The following ABCB4 variants were observed in gnomAD, a reference collection of about 807,000 sequenced individuals.
ABCB4 encodes ATP binding cassette subfamily B member 4.
A neutral mutation model predicts 145.7 loss-of-function variants in ABCB4; 76 were observed. That is an observed-to-expected ratio of 0.52 (90% confidence interval 0.43 to 0.63). The LOEUF (loss-of-function observed/expected upper bound fraction) is 0.63, where lower values mean the gene tolerates loss of function less well. ABCB4 is among the 30% of genes least tolerant of loss of function. ABCB4 has a pLI of 0.00. For synonymous variants in ABCB4, 517 were observed against 566.8 expected, an observed-to-expected ratio of 0.91 and a Z score of 1.25; for missense variants, 1,234 against 1,553.1, an observed-to-expected ratio of 0.79 and a Z score of 3.45.
intron 23 of ABCB4, among the ~76,000 whole-genome samples, chr7:87,410,533 G>C (rs954849956): frequency 6.6e-6 from 1 of 152,154 alleles, no homozygotes; most frequent in African/African-American, 2.4e-5. Flanking sequence ...TTTTAAAAAA[G>C]AAAGGAAGCA....
intron 16 of ABCB4, among the ~76,000 whole-genome samples, 191 bp from the exon 17 acceptor site, chr7:87,424,243 G>A (rs1809655018): frequency 6.6e-6 from 1 of 152,194 alleles, no homozygotes; most frequent in South Asian, 2.1e-4. Context: ...CACATCATAA[G>A]CTGAGTATGG....
rs1170744360 is a variant in ABCB4, at chr7:87,437,375, T to C, written c.1731+2292A>G. On this transcript the variant is annotated intron_variant, in intron 14 of 27. Coordinates refer to ENST00000649586, the MANE Select transcript of ABCB4 (RefSeq NM_000443.4). ...GTGAGGCCACCATGGACCATTTTAA[T>C]GAAGCCAGCCCTCCAGGTAAATGCA... 2.6e-5 allele frequency among the ~76,000 whole-genome samples: 4 copies of C among 152,278 alleles called. No homozygotes were observed. In the South Asian group the frequency reaches 8.3e-4, roughly 32 times the overall value.
chr7:87,444,285 T>C (rs556554088), intron 10 of ABCB4, among the ~76,000 whole-genome samples: 43 of 152,332 alleles, frequency 2.8e-4, no homozygotes, highest in Non-Finnish European at 7.4e-5. Flanking sequence ...CTTGGATCAA[T>C]GAAAAAGGAA....
intron 14 of ABCB4, among the ~76,000 whole-genome samples, chr7:87,437,502 C>A (rs1385626738): frequency 4.6e-5 from 7 of 152,018 alleles, no homozygotes; most frequent in Admixed American, 4.6e-4. Context: ...AATAGGTAAC[C>A]AATTTAGCAA....
intron 4 of ABCB4, among the ~76,000 whole-genome samples, chr7:87,458,472 C>T (rs1230119979): frequency 6.6e-6 from 1 of 152,122 alleles, no homozygotes; most frequent in Non-Finnish European, 1.5e-5. Flanking sequence ...GTCTGGTTGT[C>T]CAAGCATCCA....
chr7:87,367,727 C>G, the ABCB4 span, among the ~76,000 whole-genome samples: 2 of 152,184 alleles, frequency 1.3e-5, no homozygotes, highest in African/African-American at 4.8e-5. Context: ...TCTCTCTCTG[C>G]TGCTTATCAG....
chr7:87,463,022 T>C, intron 3 of ABCB4, 114 bp from the exon 4 acceptor site: 1 of 936,402 alleles, frequency 1.1e-6, no homozygotes, highest in South Asian at 1.6e-5. Flanking sequence ...GAGTTGTAAA[T>C]GAATGTCTTA....
Position 87,451,556 on chromosome 7 carries a change from C to A in ABCB4, c.708+67G>T, listed in dbSNP as rs906304049. ...GACCTGAACAGGTACAAGTACGAGA[C>A]TTCTGCATATTAAAGATTACTGTGT... On this transcript the variant is annotated intron_variant, in intron 7 of 27. Coordinates refer to ENST00000649586, the MANE Select transcript of ABCB4 (RefSeq NM_000443.4). 7 of 1,577,394 alleles carry A rather than the reference C, an allele frequency of 4.4e-6. No homozygotes were observed. The African/African-American group carries it at 8.1e-5, about 18-fold the overall frequency.
chr7:87,443,714 A>G lies in ABCB4; in HGVS notation c.1179T>C (p.Asn393=). The change falls in exon 11 of 28, where the codon AAT becomes AAC. Residue 393 remains asparagine (N), a synonymous_variant. Transcript: ENST00000649586. ...RGHKPDSIKG[N]LEFNDVHFSY... is the part of the protein sequence containing the mutation. ...AAAAGTGAACATCATTGAACTCCAAATTCCCTTTGATGCTGTCTGGTTTGT... is the reference window on the plus strand; with the variant it reads ...AAAAGTGAACATCATTGAACTCCAAGTTCCCTTTGATGCTGTCTGGTTTGT... The G allele has an allele frequency of 1.2e-6, 2 of 1,614,018 alleles. No homozygotes were observed. The highest frequency in any genetic ancestry group is 8.5e-7 in the Non-Finnish European group (1 of 1,179,954).
At chr7:87,376,121 T>C in the ABCB4 span, among the ~76,000 whole-genome samples, 184 of 152,174 alleles carry the variant, frequency 1.2e-3, 1 homozygote, top group African/African-American at 4.1e-3. Context: ...AGATAGTAAA[T>C]TGGTAAATCC....
chr7:87,373,403 T>A, the ABCB4 span, among the ~76,000 whole-genome samples: 1 of 152,126 alleles, frequency 6.6e-6, no homozygotes, highest in South Asian at 2.1e-4. Flanking sequence ...CCTCTTTTGA[T>A]GCACAATATT....
At chr7:87,416,604 T>TA (rs1808992294) in intron 21 of ABCB4, among the ~76,000 whole-genome samples, 1 of 151,890 alleles carries the variant, frequency 6.6e-6, no homozygotes, top group Non-Finnish European at 1.5e-5. Flanking sequence ...TTTAGACACT[T>TA]AAACACATAT....
intron 9 of ABCB4, among the ~76,000 whole-genome samples, chr7:87,445,310 A>G (rs532289327): frequency 7.0e-4 from 106 of 152,306 alleles, no homozygotes; most frequent in Non-Finnish European, 1.3e-3. Flanking sequence ...CTAACTATGC[A>G]TGGAATTACA....
At chr7:87,460,622 G>GTATT (rs3028335) in intron 4 of ABCB4, among the ~76,000 whole-genome samples, 8,127 of 148,302 alleles carry the variant, frequency 0.055, 308 homozygotes, top group East Asian at 0.096. Flanking sequence ...ACACAATTTT[G>GTATT]TATTTATTTA....
At chr7:87,441,195 C>CAATG (rs1810961968) in intron 12 of ABCB4, among the ~76,000 whole-genome samples, 1 of 152,150 alleles carries the variant, frequency 6.6e-6, no homozygotes, top group Admixed American at 6.5e-5. Flanking sequence ...CTTACATGTA[C>CAATG]AATGACTGGA....
At chr7:87,386,964 C>T in the ABCB4 span, among the ~76,000 whole-genome samples, 2 of 152,254 alleles carry the variant, frequency 1.3e-5, no homozygotes, top group East Asian at 3.9e-4. Flanking sequence ...GGGTGTCTGT[C>T]TGCCTTGATC....
intron 23 of ABCB4, 50 bp from the exon 24 acceptor site, chr7:87,409,442 T>C (rs1808446830): frequency 1.3e-6 from 2 of 1,592,850 alleles, no homozygotes; most frequent in African/African-American, 1.3e-5. Flanking sequence ...ATTAACTCCA[T>C]GATGTTTGAA....
intron 9 of ABCB4, 151 bp from the exon 10 acceptor site, chr7:87,445,126 T>A: frequency 1.6e-6 from 1 of 635,336 alleles, no homozygotes; most frequent in Non-Finnish European, 2.8e-6. Flanking sequence ...TTTGCAAGGC[T>A]AATATAGCAT....
chr7:87,416,474 C>T lies in ABCB4; in HGVS notation c.2682+838G>A, dbSNP rs577436940. On this transcript the variant is annotated intron_variant, in intron 21 of 27. Coordinates refer to ENST00000649586, the MANE Select transcript of ABCB4 (RefSeq NM_000443.4). ...CAATTTATATTTATTATCTGCTTCA[C>T]TTCCTCATGTTTCAATAAAGGATAA... Among the ~76,000 whole-genome samples, 3 of 152,312 alleles carry T rather than the reference C, an allele frequency of 2.0e-5. No individual in the cohort carries two copies. In the East Asian group the frequency reaches 5.8e-4, roughly 29 times the overall value.
Sources: gnomAD v4.1 joint callset for allele counts (sites outside exome capture counted in the v4.1 genomes callset) on GRCh38, gnomAD v4.1.1 for gene constraint, MANE v1.5 for transcripts, NCBI Gene and HGNC (gene_info 2026-07-23, HGNC 2026-07-21) for gene names.